CDC42BPA: variants seen among roughly 807,000 people sequenced by gnomAD.
The protein encoded by CDC42BPA is CDC42 binding protein kinase alpha.
In CDC42BPA, 80 loss-of-function variants were observed where a neutral mutation model predicts 223.5. The ratio of observed to expected loss-of-function variants is 0.36; its 90% CI spans 0.30 to 0.43. The LOEUF is 0.43. CDC42BPA is among the 20% of genes least tolerant of loss of function. The pLI, the probability that CDC42BPA is intolerant of heterozygous loss-of-function variation, is 1.00. For synonymous variants in CDC42BPA, 694 were observed against 718.6 expected (o/e 0.97, Z 0.55); for missense variants, 1,743 against 2,099.9 (o/e 0.83, Z 3.32).
At chr1:227,219,242 C>T (rs1321934536) in intron 2 of CDC42BPA, 1 of 152,204 alleles carries the variant, frequency 6.6e-6, no homozygotes, top group Non-Finnish European at 1.5e-5. Context: ...AGGAAGCAAG[C>T]TAATTAAAAG....
At chr1:227,295,836 C>A (rs1425092790) in intron 1 of CDC42BPA, among the ~76,000 whole-genome samples, 1 of 152,120 alleles carries the variant, frequency 6.6e-6, no homozygotes, top group Non-Finnish European at 1.5e-5. Context: ...GTGGGGAAAG[C>A]CTTCCTTTTA....
intron 14 of CDC42BPA, among the ~76,000 whole-genome samples, chr1:227,105,421 G>GC (rs886713288): frequency 2.9e-5 from 4 of 138,512 alleles, no homozygotes; most frequent in African/African-American, 1.1e-4. Flanking sequence ...GAGTACACTG[G>GC]CACAATCATG....
At chr1:227,115,076 T>A (rs1248175892) in intron 12 of CDC42BPA, among the ~76,000 whole-genome samples, 1 of 152,086 alleles carries the variant, frequency 6.6e-6, no homozygotes, top group Non-Finnish European at 1.5e-5. Flanking sequence ...GTAAATACAC[T>A]TAACATTACT....
At chr1:227,196,991 C>T (rs923714674) in intron 4 of CDC42BPA, among the ~76,000 whole-genome samples, 3 of 152,100 alleles carry the variant, frequency 2.0e-5, no homozygotes, top group Admixed American at 1.3e-4. Flanking sequence ...AAGATCTAAT[C>T]ACATAATAAT....
chr1:227,178,080 A>G lies in CDC42BPA; in HGVS notation c.599+15706T>C, dbSNP rs544392469. Among the ~76,000 whole-genome samples, 6 of 152,310 alleles carry G rather than the reference A, an allele frequency of 3.9e-5. No individual in the cohort carries two copies. The South Asian group carries it at 1.2e-3, about 32-fold the overall frequency. On this transcript the variant is annotated intron_variant, in intron 5 of 36. Coordinates refer to ENST00000366766, the MANE Select transcript of CDC42BPA (RefSeq NM_001394014.1). ...TGTGTTTTTCTTGAGTTCATGGAACATATTTAAACTAAATGCTTTAAAGTC... is the reference window on the plus strand; with the variant it reads ...TGTGTTTTTCTTGAGTTCATGGAACGTATTTAAACTAAATGCTTTAAAGTC...
Position 227,276,272 on chromosome 1 carries a change from G to A in CDC42BPA, c.179-22117C>T, listed in dbSNP as rs370711461. On this transcript the variant is annotated intron_variant, in intron 1 of 36. Transcript: ENST00000366766. Reference sequence around the variant, plus strand: ...GGCCGCGACCCCGTCTGGGATCTGAGGAGCGTCTCTGCCCGACTGCCAACC... The same window carrying A: ...GGCCGCGACCCCGTCTGGGATCTGAAGAGCGTCTCTGCCCGACTGCCAACC... Among the ~76,000 whole-genome samples, 8 of 151,898 alleles carry A rather than the reference G, an allele frequency of 5.3e-5. No individual in the cohort carries two copies. The East Asian group carries it at 1.6e-3, about 30-fold the overall frequency.
intron 5 of CDC42BPA, among the ~76,000 whole-genome samples, chr1:227,169,238 A>G (rs1665684974): frequency 6.6e-6 from 1 of 152,170 alleles, no homozygotes; most frequent in Non-Finnish European, 1.5e-5. Context: ...GTCTGCTATT[A>G]ATAATTTCTA....
intron 24 of CDC42BPA, among the ~76,000 whole-genome samples, chr1:227,036,620 G>T (rs1422977549): frequency 6.6e-6 from 1 of 151,908 alleles, no homozygotes; most frequent in Non-Finnish European, 1.5e-5. Context: ...TAGTAGAGAC[G>T]GGGTTTCACC....
At chr1:227,119,310 T>TA (rs1446653459) in intron 12 of CDC42BPA, among the ~76,000 whole-genome samples, 1 of 152,124 alleles carries the variant, frequency 6.6e-6, no homozygotes, top group Non-Finnish European at 1.5e-5. Flanking sequence ...AAATAATGTT[T>TA]AAATGTTTCA....
At position 227,176,496 on chromosome 1, in the gene CDC42BPA, A is replaced by C. The variant is rs139243343; in HGVS notation, c.600-15860T>G. Among the ~76,000 whole-genome samples, 1,289 of 152,308 alleles carry C rather than the reference A, an allele frequency of 8.5e-3. 14 individuals are homozygous for C. The highest frequency in any genetic ancestry group is 0.029 in the African/African-American group (1,226 of 41,560). Reference sequence around the variant, plus strand: ...AAACAGTTTGAAAAAAATTTTATATAAATTCTCCCAATTATCACTACCTAC... The same window carrying C: ...AAACAGTTTGAAAAAAATTTTATATCAATTCTCCCAATTATCACTACCTAC... On this transcript the variant is annotated intron_variant, in intron 5 of 36. Coordinates refer to ENST00000366766, the MANE Select transcript of CDC42BPA (RefSeq NM_001394014.1).
intron 5 of CDC42BPA, among the ~76,000 whole-genome samples, chr1:227,161,776 A>G (rs1255512859): frequency 6.6e-6 from 1 of 152,230 alleles, no homozygotes. Context: ...CACAGACCAC[A>G]TGGCCTACAA....
intron 2 of CDC42BPA, among the ~76,000 whole-genome samples, chr1:227,247,894 TAAAC>T (rs1681280690): frequency 6.6e-6 from 1 of 151,804 alleles, no homozygotes; most frequent in South Asian, 2.1e-4. Flanking sequence ...AATAAATAAA[TAAAC>T]AAACAATAAT....
chr1:227,135,430 G>A (rs1658283002), intron 10 of CDC42BPA, among the ~76,000 whole-genome samples: 1 of 152,146 alleles, frequency 6.6e-6, no homozygotes, highest in Non-Finnish European at 1.5e-5. Flanking sequence ...AAATGGTATA[G>A]GGCAGAAGGC....
Position 227,132,219 on chromosome 1 carries a change from C to T in CDC42BPA, c.1391-2988G>A, listed in dbSNP as rs1450797729. Among the ~76,000 whole-genome samples, 17 of 152,062 alleles carry T rather than the reference C, an allele frequency of 1.1e-4. No individual in the cohort carries two copies. In the East Asian group the frequency reaches 2.7e-3, roughly 24 times the overall value. Reference sequence around the variant, plus strand: ...AAGCTGGAGAGTACTGCTACCATCTCGGCTCACTGCAACCTCCCTGCCTGA... The same window carrying T: ...AAGCTGGAGAGTACTGCTACCATCTTGGCTCACTGCAACCTCCCTGCCTGA... On this transcript the variant is annotated intron_variant, in intron 10 of 36. Coordinates refer to ENST00000366766, the MANE Select transcript of CDC42BPA (RefSeq NM_001394014.1).
chr1:227,177,559 T>C (rs1202119797), intron 5 of CDC42BPA, among the ~76,000 whole-genome samples: 6 of 152,162 alleles, frequency 3.9e-5, no homozygotes, highest in Non-Finnish European at 7.3e-5. Flanking sequence ...TTGATTTTGA[T>C]GAGCTAGGTG....
chr1:227,276,581 A>T (rs1319057540), intron 1 of CDC42BPA, among the ~76,000 whole-genome samples: 2 of 152,200 alleles, frequency 1.3e-5, no homozygotes, highest in Non-Finnish European at 2.9e-5. Context: ...AGGTGTGCCC[A>T]ACAGCTCCTT....
In CDC42BPA at chr1:226,993,612, A is replaced by T. The variant is rs1661019608; in HGVS notation, c.*656T>A. On this transcript the variant is annotated 3_prime_UTR_variant, in exon 37 of 37. Coordinates refer to ENST00000366766, the MANE Select transcript of CDC42BPA (RefSeq NM_001394014.1). Reference sequence around the variant, plus strand: ...TTCCACCCTTTACATTACATTACAGACAAGAAACAACATATTTCTTTAAAT... The same window carrying T: ...TTCCACCCTTTACATTACATTACAGTCAAGAAACAACATATTTCTTTAAAT... 6.5e-6 allele frequency: 1 copy of T among 152,678 alleles called. No homozygotes were observed. The highest frequency in any genetic ancestry group is 1.5e-5 in the Non-Finnish European group (1 of 68,054). 9.5% of individuals were successfully genotyped at this position (152,678 alleles called of 1,614,324 possible). A position where few individuals can be genotyped will look rare whatever the true frequency, so the allele number is the denominator to read the frequency against.
At chr1:227,179,863 T>C (rs1042025450) in intron 5 of CDC42BPA, among the ~76,000 whole-genome samples, 1 of 152,038 alleles carries the variant, frequency 6.6e-6, no homozygotes, top group Non-Finnish European at 1.5e-5. Flanking sequence ...TCTAGTGTTA[T>C]TATGATTAAA....
At chr1:227,070,945 G>C (rs1159885990) in intron 20 of CDC42BPA, among the ~76,000 whole-genome samples, 2 of 151,760 alleles carry the variant, frequency 1.3e-5, no homozygotes, top group Non-Finnish European at 1.5e-5. Context: ...TTTGCCATTA[G>C]GGCCACGAGT....
Sources: gnomAD v4.1 joint callset for allele counts (sites outside exome capture counted in the v4.1 genomes callset) on GRCh38, gnomAD v4.1.1 for gene constraint, MANE v1.5 for transcripts, NCBI Gene and HGNC (gene_info 2026-07-23, HGNC 2026-07-21) for gene names.